The following PLEK variants were observed in gnomAD, a reference collection of about 807,000 sequenced individuals.
PLEK encodes pleckstrin, also known as platelet 47 kDa protein.
A neutral mutation model predicts 43.9 loss-of-function variants in PLEK; 25 were observed. The observed-to-expected ratio is 0.57, with a 90% CI of 0.41 to 0.79. The LOEUF (loss-of-function observed/expected upper bound fraction) is 0.79, where lower values mean the gene tolerates loss of function less well. Among genes scored for constraint, PLEK ranks in the 30% least tolerant of loss-of-function variants. PLEK has a pLI of 0.00. For missense variants in PLEK, 396 were observed against 413.3 expected, an observed-to-expected ratio of 0.96 and a Z score of 0.36; for synonymous variants, 152 against 144.4, an observed-to-expected ratio of 1.05 and a Z score of -0.38.
chr2:68,381,545 C>T (rs947961896), intron 3 of PLEK, among the ~76,000 whole-genome samples: 5 of 152,168 alleles, frequency 3.3e-5, no homozygotes, highest in African/African-American at 1.2e-4. Context: ...TCACTTTCTT[C>T]TTGGTAGTTT....
At position 68,395,677 on chromosome 2, in the gene PLEK, C is replaced by T; in HGVS notation, c.917-3C>T. The T allele has an allele frequency of 6.2e-7, 1 of 1,614,008 alleles. No homozygotes were observed. The highest frequency in any genetic ancestry group is 1.3e-5 in the African/African-American group (1 of 74,998). ...TGCTGCCATTTGCCTTCTCTTTCCC[C>T]AGGCAGGAAGAGTGAGGAAGAGAAC... On this transcript the variant is annotated splice_region_variant and splice_polypyrimidine_tract_variant and intron_variant, in intron 8 of 8. Coordinates refer to ENST00000234313, the MANE Select transcript of PLEK (RefSeq NM_002664.3).
At position 68,365,368 on chromosome 2, in the gene PLEK, T is replaced by A. The variant is rs1313187617; in HGVS notation, c.17T>A (p.Ile6Asn). Residue 6 changes from isoleucine to asparagine, a missense_variant, in exon 1 of 9, where the codon ATC (isoleucine) becomes AAC (asparagine). Coordinates refer to ENST00000234313, the MANE Select transcript of PLEK (RefSeq NM_002664.3). MEPKRIREGYLVKKGS... is the reference protein window; with the variant it reads MEPKRNREGYLVKKGS... ...CCAGCCAGCATGGAACCAAAGCGGA[T>A]CAGAGAGGGCTACCTTGTGAAGAAG... is the stretch of plus-strand genomic sequence containing the variant. The A allele has an allele frequency of 6.2e-7, 1 of 1,613,874 alleles. No individual in the cohort carries two copies.
intron 3 of PLEK, among the ~76,000 whole-genome samples, chr2:68,381,123 T>C (rs1673604950): frequency 8.0e-6 from 1 of 124,704 alleles, no homozygotes; most frequent in Non-Finnish European, 1.7e-5. Context: ...AATTCCCTCA[T>C]ACTGGGTACC....
intron 3 of PLEK, 38 bp downstream of exon 3, chr2:68,380,942 C>T: frequency 6.4e-7 from 1 of 1,556,812 alleles, no homozygotes; most frequent in Non-Finnish European, 8.8e-7. Flanking sequence ...CCCATTCCTT[C>T]TGAAAGACAC....
Position 68,365,306 on chromosome 2 carries a change from G to T in PLEK, c.-46G>T. The T allele has an allele frequency of 1.9e-6, 3 of 1,585,366 alleles. No individual in the cohort carries two copies. In the South Asian group the frequency reaches 3.3e-5, roughly 18 times the overall value. On this transcript the variant is annotated 5_prime_UTR_variant, in exon 1 of 9. Transcript: ENST00000234313. ...CATGCAGAGGAGGCCCAGCTGCTGA[G>T]AGGAGTTGCCTGAGAGTGACCTTTG...
Position 68,388,399 on chromosome 2 carries a change from T to A in PLEK, c.670T>A (p.Phe224Ile), listed in dbSNP as rs773517807. The A allele has an allele frequency of 6.2e-7, 1 of 1,605,310 alleles. No homozygotes were observed. Among genetic ancestry groups the A allele is most frequent in the East Asian group, 2.2e-5 (1 of 44,842 alleles). The part of the protein sequence containing the change: ...DAFYYFPDSG[F>I]FCEENSSDDD... ...GATTTTCCAACAGCCAGACAGTGGG[T>A]TCTTCTGTGAAGAGAATTCCAGTGA... The change falls in exon 6 of 9, where the codon TTC becomes ATC. Residue 224 changes from phenylalanine to isoleucine, a missense_variant. Physicochemically the swap from Phe to Ile is conservative, Grantham distance 21 (BLOSUM62 0). Coordinates refer to ENST00000234313, the MANE Select transcript of PLEK (RefSeq NM_002664.3).
chr2:68,370,036 G>T (rs969212959), intron 1 of PLEK, among the ~76,000 whole-genome samples: 1 of 152,244 alleles, frequency 6.6e-6, no homozygotes, highest in African/African-American at 2.4e-5. Context: ...TGGAAAACTA[G>T]ATGATGTGAT....
At chr2:68,379,616 G>T (rs1046192593) in intron 1 of PLEK, among the ~76,000 whole-genome samples, 2 of 152,126 alleles carry the variant, frequency 1.3e-5, no homozygotes, top group Admixed American at 1.3e-4. Context: ...GTTTCTGTGA[G>T]GTGGGTCCTT....
chr2:68,377,459 C>T (rs1271150994), intron 1 of PLEK, among the ~76,000 whole-genome samples: 3 of 152,188 alleles, frequency 2.0e-5, no homozygotes, highest in East Asian at 3.9e-4. Flanking sequence ...GGTTAAAAGC[C>T]ATTTTGACTG....
At chr2:68,367,432 C>T (rs977398489) in intron 1 of PLEK, among the ~76,000 whole-genome samples, 5 of 152,180 alleles carry the variant, frequency 3.3e-5, no homozygotes, top group African/African-American at 1.2e-4. Flanking sequence ...CAACCCTCCA[C>T]TCTCACATAG....
At chr2:68,382,367 GT>G (rs1452910230) in intron 3 of PLEK, among the ~76,000 whole-genome samples, 174 bp from the exon 4 acceptor site, 1 of 152,212 alleles carries the variant, frequency 6.6e-6, no homozygotes, top group African/African-American at 2.4e-5. Flanking sequence ...AGATATGAAT[GT>G]TGCCCCTCCA....
rs1224791980 is a variant in PLEK at position 68,395,854 on chromosome 2, C to T, written c.*38C>T. 11 of 1,583,354 alleles carry T rather than the reference C, an allele frequency of 6.9e-6. No individual in the cohort carries two copies. Among genetic ancestry groups the T allele is most frequent in the East Asian group, 2.2e-5 (1 of 44,644 alleles). ...ATTCCTCCTCCCCTCCTGAGGGAAG[C>T]CCATGGACAAGCTCAGTCCAGGACC... is the stretch of plus-strand genomic sequence containing the variant. On this transcript the variant is annotated 3_prime_UTR_variant, in exon 9 of 9. Coordinates refer to ENST00000234313, the MANE Select transcript of PLEK (RefSeq NM_002664.3).
At chr2:68,383,368 C>T (rs1229804638) in intron 4 of PLEK, among the ~76,000 whole-genome samples, 1 of 152,128 alleles carries the variant, frequency 6.6e-6, no homozygotes, top group Non-Finnish European at 1.5e-5. Context: ...AGAGAAAGAA[C>T]TCAGGGGTTG....
rs1261516373 is a variant in PLEK at position 68,380,333 on chromosome 2, C to T, written c.48C>T (p.Ser16=). The change falls in exon 2 of 9, where the codon AGC becomes AGT. Residue 16 remains serine, a synonymous_variant. Transcript: ENST00000234313. ...IREGYLVKKG[S]VFNTWKPMWV... ...TCTTTTGGTTGTCATTACAGGGGAG[C>T]GTGTTCAATACGTGGAAACCCATGT... is the stretch of plus-strand genomic sequence containing the variant. The T allele has an allele frequency of 1.2e-5, 19 of 1,611,254 alleles. No homozygotes were observed. The highest frequency in any genetic ancestry group is 1.6e-5 in the Non-Finnish European group (19 of 1,178,126).
chr2:68,379,243 A>C (rs935630675), intron 1 of PLEK, among the ~76,000 whole-genome samples: 2 of 152,210 alleles, frequency 1.3e-5, no homozygotes, highest in African/African-American at 4.8e-5. Flanking sequence ...CAGAGCTTGT[A>C]AGTGAAGGCA....
chr2:68,382,650 G>T lies in PLEK; in HGVS notation c.472+17G>T. On this transcript the variant is annotated intron_variant, in intron 4 of 8. Transcript: ENST00000234313. ...GCTTCACAGGTAAAAGCACTTGCAG[G>T]CCTGAAATAGGGCGACTGGGAAGGC... 1 of 1,424,868 alleles carries T rather than the reference G, an allele frequency of 7.0e-7. No individual in the cohort carries two copies. The highest frequency in any genetic ancestry group is 1.1e-5 in the South Asian group (1 of 87,076). The allele number at this position is 1,424,868 out of a possible 1,614,324, so 88.3% of individuals were successfully genotyped here. A position where few individuals can be genotyped will look rare whatever the true frequency, so the allele number is the denominator to read the frequency against.
Position 68,382,275 on chromosome 2 carries a change from A to T in PLEK, c.381-267A>T, listed in dbSNP as rs563218342. On this transcript the variant is annotated intron_variant, in intron 3 of 8. Coordinates refer to ENST00000234313, the MANE Select transcript of PLEK (RefSeq NM_002664.3). Reference sequence around the variant, plus strand: ...GGAACCAATAATTAAATCAACAAACAGCTGAATGAATTTAAGAGAATTTAG... The same window carrying T: ...GGAACCAATAATTAAATCAACAAACTGCTGAATGAATTTAAGAGAATTTAG... Among the ~76,000 whole-genome samples the T allele has an allele frequency of 2.0e-5, 3 of 152,220 alleles. No individual in the cohort carries two copies. In the East Asian group the frequency reaches 5.8e-4, roughly 29 times the overall value.
intron 4 of PLEK, among the ~76,000 whole-genome samples, chr2:68,384,539 C>T (rs970470958): frequency 2.0e-5 from 3 of 152,080 alleles, no homozygotes; most frequent in African/African-American, 7.2e-5. Context: ...TTAAATCCTT[C>T]TTGTTGAAGG....
intron 1 of PLEK, among the ~76,000 whole-genome samples, chr2:68,371,256 A>G (rs1673395848): frequency 6.6e-6 from 1 of 152,170 alleles, no homozygotes; most frequent in African/African-American, 2.4e-5. Context: ...TTATGCAGAA[A>G]ACTGTTTTCC....
Sources: gnomAD v4.1 joint callset for allele counts (sites outside exome capture counted in the v4.1 genomes callset) on GRCh38, gnomAD v4.1.1 for gene constraint, MANE v1.5 for transcripts, NCBI Gene and HGNC (gene_info 2026-07-23, HGNC 2026-07-21) for gene names.